NOP53: variants seen among roughly 807,000 people sequenced by gnomAD.
NOP53 encodes the protein ribosome biogenesis protein NOP53.
A neutral mutation model predicts 61.0 loss-of-function variants in NOP53; 40 were observed. The ratio of observed to expected loss-of-function variants is 0.66; its 90% CI spans 0.51 to 0.85. The LOEUF (loss-of-function observed/expected upper bound fraction) is 0.85, where lower values mean the gene tolerates loss of function less well. Ranked by LOEUF, NOP53 falls within the 40% of genes least tolerant of loss-of-function variation. The pLI is 0.00. For synonymous variants in NOP53, 308 were observed against 289.5 expected, an observed-to-expected ratio of 1.06 and a Z score of -0.65; for missense variants, 689 against 652.9, an observed-to-expected ratio of 1.06 and a Z score of -0.60.
At chr19:47,748,172 G>A (rs1252191557) in intron 2 of NOP53, among the ~76,000 whole-genome samples, 2 of 151,998 alleles carry the variant, frequency 1.3e-5, no homozygotes, top group Non-Finnish European at 2.9e-5. Context: ...TGATCCACCC[G>A]CCTTGGCCTC....
Position 47,750,773 on chromosome 19 carries a change from G to A in NOP53, c.399-135G>A, listed in dbSNP as rs1967114294. ...TGGGGAGAGGAGTTCTCTGAAGAGG[G>A]GGCGGAGTGCCACCTTTTGGAGAGG... On this transcript the variant is annotated intron_variant, in intron 3 of 12. Transcript: ENST00000246802. The A allele has an allele frequency of 5.6e-6, 4 of 717,522 alleles. No individual in the cohort carries two copies. In the Admixed American group the frequency reaches 9.0e-5, roughly 16 times the overall value. The allele number at this position is 717,522 out of a possible 1,614,324, so 44.4% of individuals were successfully genotyped here.
chr19:47,756,229 A>G (rs936595003), intron 10 of NOP53: 20 of 535,312 alleles, frequency 3.7e-5, no homozygotes, highest in African/African-American at 3.2e-4. Flanking sequence ...AGTTGTGCTC[A>G]TGAGCGGACT....
intron 10 of NOP53, 103 bp from the exon 11 acceptor site, chr19:47,756,425 G>C (rs936482349): frequency 1.3e-4 from 116 of 864,456 alleles, no homozygotes; most frequent in South Asian, 1.3e-3. Flanking sequence ...GGCTGCCCTG[G>C]GGGGAGACTG....
Position 47,751,536 on chromosome 19 carries a change from G to A in NOP53, c.615G>A (p.Pro205=), listed in dbSNP as rs780529466. 3.1e-5 allele frequency: 50 copies of A among 1,613,752 alleles called. 1 individual carries two copies. The Admixed American group carries it at 5.2e-4, about 17-fold the overall frequency. Residue 205 remains proline (P), a synonymous_variant, in exon 5 of 13, where the codon CCG becomes CCA. Transcript: ENST00000246802. The part of the protein sequence containing the change: ...LWASDNPLDR[P]LVGQDEFFLE... ...TATCCACAGACCCCCTGGACAGGCCGTTGGTTGGCCAGGATGAGTTTTTCC... is the reference window on the plus strand; with the variant it reads ...TATCCACAGACCCCCTGGACAGGCCATTGGTTGGCCAGGATGAGTTTTTCC...
At chr19:47,750,389 G>T in intron 3 of NOP53, 103 bp downstream of exon 3, 1 of 728,670 alleles carries the variant, frequency 1.4e-6, no homozygotes. Context: ...TGAAGGGTAG[G>T]GCAGGCTCAG....
At chr19:47,753,472 C>T (rs1967148672) in intron 6 of NOP53, 1 of 152,166 alleles carries the variant, frequency 6.6e-6, no homozygotes, top group South Asian at 2.1e-4. Flanking sequence ...AGGAACAGCC[C>T]TTCTCATGGG....
At chr19:47,750,116 G>T in intron 2 of NOP53, 62 bp from the exon 3 acceptor site, 1 of 1,021,276 alleles carries the variant, frequency 9.8e-7, no homozygotes, top group South Asian at 1.3e-5. Flanking sequence ...GGTGAATAGG[G>T]TGGGTGGTCT....
At chr19:47,756,774 G>A in intron 12 of NOP53, 30 bp downstream of exon 12, 2 of 1,610,246 alleles carry the variant, frequency 1.2e-6, no homozygotes, top group Non-Finnish European at 8.5e-7. Context: ...GCGCAAGGAA[G>A]GGAGCCCTTC....
chr19:47,751,425 G>A, intron 4 of NOP53, 95 bp from the exon 5 acceptor site: 1 of 954,518 alleles, frequency 1.0e-6, no homozygotes, highest in Admixed American at 1.9e-5. Flanking sequence ...GAGCTTCAGG[G>A]TCACCTTTTT....
At chr19:47,750,657 G>A (rs1967113080) in intron 3 of NOP53, among the ~76,000 whole-genome samples, 1 of 152,128 alleles carries the variant, frequency 6.6e-6, no homozygotes, top group South Asian at 2.1e-4. Context: ...TTTTGACGTG[G>A]TGGTGTGAGG....
rs776649348 is a variant in NOP53, at chr19:47,755,873, C to T, written c.1296+51C>T. 4.7e-6 allele frequency: 7 copies of T among 1,483,790 alleles called. No individual in the cohort carries two copies. The African/African-American group carries it at 6.9e-5, about 15-fold the overall frequency. The allele number at this position is 1,483,790 out of a possible 1,614,324, so 91.9% of individuals were successfully genotyped here. ...CCCCGTGCCCAGTGATGACACCATCCTTGCTCCCCGTGCCCCCCAGGGGCT... is the reference window on the plus strand; with the variant it reads ...CCCCGTGCCCAGTGATGACACCATCTTTGCTCCCCGTGCCCCCCAGGGGCT... On this transcript the variant is annotated intron_variant, in intron 10 of 12. Transcript: ENST00000246802.
chr19:47,754,947 C>A lies in NOP53; in HGVS notation c.1053+56C>A. ...TGATGCCTCGCCCCCTTCCTTCCTT[C>A]CTCCCACCATGGGCTGCCCTGGGTG... On this transcript the variant is annotated intron_variant, in intron 8 of 12. Transcript: ENST00000246802. The surrounding 1 kb of genome is among the most constrained non-coding windows in gnomAD (Gnocchi z 4.2). 1 of 1,431,246 alleles carries A rather than the reference C, an allele frequency of 7.0e-7. No individual in the cohort carries two copies. Among genetic ancestry groups the A allele is most frequent in the Non-Finnish European group, 9.2e-7 (1 of 1,089,308 alleles). The allele number at this position is 1,431,246 out of a possible 1,614,324, so 88.7% of individuals were successfully genotyped here.
chr19:47,755,964 G>T (rs1261500155), intron 10 of NOP53, 142 bp downstream of exon 10: 3 of 634,674 alleles, frequency 4.7e-6, no homozygotes, highest in Non-Finnish European at 8.4e-6. Context: ...CTGAGGGCAC[G>T]GGATGCTGGG....
Position 47,755,492 on chromosome 19 carries a change from G to T in NOP53, c.1198G>T (p.Ala400Ser). ...GCGGCAGGCGCGGCGGGAGGCTGAG[G>T]CTGACAAGCCCCGAAGGCTGGGGCG... ...RRRQARREAEADKPRRLGRLK... is the reference protein window; with the variant it reads ...RRRQARREAESDKPRRLGRLK... Residue 400 changes from alanine (A) to serine (S), a missense_variant, in exon 9 of 13, where the codon GCT becomes TCT. Transcript: ENST00000246802. 6.8e-7 allele frequency: 1 copy of T among 1,480,602 alleles called. No individual in the cohort carries two copies. Among genetic ancestry groups the T allele is most frequent in the Admixed American group, 2.6e-5 (1 of 38,514 alleles). 91.7% of individuals were successfully genotyped at this position (1,480,602 alleles called of 1,614,324 possible).
chr19:47,754,384 G>T lies in NOP53; in HGVS notation c.766-143G>T, dbSNP rs139285536. Reference sequence around the variant, plus strand: ...CTCTGGCTCTGTGCAGGGTGGGTGTGCTGGTAGACGGGGTGTGGGGAGGAA... The same window carrying T: ...CTCTGGCTCTGTGCAGGGTGGGTGTTCTGGTAGACGGGGTGTGGGGAGGAA... On this transcript the variant is annotated intron_variant, in intron 6 of 12. Coordinates refer to ENST00000246802, the MANE Select transcript of NOP53 (RefSeq NM_015710.5). The surrounding 1 kb of genome is among the most constrained non-coding windows in gnomAD (Gnocchi z 4.2). The T allele has an allele frequency of 5.0e-4, 336 of 673,540 alleles. 2 individuals are homozygous for T. The highest frequency in any genetic ancestry group is 4.7e-3 in the African/African-American group (266 of 56,496). The allele number at this position is 673,540 out of a possible 1,614,324, so 41.7% of individuals were successfully genotyped here. A position where few individuals can be genotyped will look rare whatever the true frequency, so the allele number is the denominator to read the frequency against.
chr19:47,755,015 G>A (rs1469547835), intron 8 of NOP53, 124 bp downstream of exon 8: 2 of 924,792 alleles, frequency 2.2e-6, no homozygotes, highest in Non-Finnish European at 3.1e-6. Flanking sequence ...TGTGGCCTGT[G>A]GTTTGGGCTG....
Position 47,752,528 on chromosome 19 carries a change from A to G in NOP53, c.686A>G (p.His229Arg). 4 of 1,606,066 alleles carry G rather than the reference A, an allele frequency of 2.5e-6. No homozygotes were observed. Among genetic ancestry groups the G allele is most frequent in the East Asian group, 2.2e-5 (1 of 44,838 alleles). The change falls in exon 6 of 13, where the codon CAC (histidine) becomes CGC (arginine). Residue 229 changes from histidine (H) to arginine (R), a missense_variant. By Grantham distance (29) the His-to-Arg change is conservative. Transcript: ENST00000246802. ...KKGVKRPARL[H>R]TKPSQAPAVE... ...TCTCCACAGCGGCCAGCACGCCTGC[A>G]CACCAAGCCGTCCCAGGCACCCGCC...
At position 47,750,979 on chromosome 19, in the gene NOP53, A is replaced by G. The variant is rs1449742756; in HGVS notation, c.470A>G (p.Lys157Arg). The change falls in exon 4 of 13, where the codon AAG becomes AGG. Residue 157 changes from lysine to arginine, a missense_variant. Coordinates refer to ENST00000246802, the MANE Select transcript of NOP53 (RefSeq NM_015710.5). ...GAGCAGCTATGGGAGAAGCTGGCCA[A>G]GCAGGGCGAGCTGCCCCGGGAGGTG... ...RKEQLWEKLA[K>R]QGELPREVRR... The G allele has an allele frequency of 6.3e-7, 1 of 1,596,710 alleles. No homozygotes were observed. The highest frequency in any genetic ancestry group is 1.8e-5 in the Admixed American group (1 of 56,530).
At chr19:47,746,839 C>T (rs909528043) in intron 1 of NOP53, 128 bp from the exon 2 acceptor site, 19 of 731,654 alleles carry the variant, frequency 2.6e-5, no homozygotes, top group East Asian at 2.1e-4. Context: ...AACTGCTGGG[C>T]GAAGCCTTAG....
Sources: gnomAD v4.1 joint callset for allele counts (sites outside exome capture counted in the v4.1 genomes callset) on GRCh38, gnomAD v4.1.1 for gene constraint, Gnocchi (gnomAD v3.1) non-coding constraint, MANE v1.5 for transcripts, NCBI Gene and HGNC (gene_info 2026-07-23, HGNC 2026-07-21) for gene names.